RALGAPA2: variants seen among roughly 807,000 people sequenced by gnomAD.
RALGAPA2 encodes the protein ral GTPase-activating protein subunit alpha-2.
In RALGAPA2, 139 loss-of-function variants were observed where a neutral mutation model predicts 230.4. That is an observed-to-expected ratio of 0.60 (90% CI 0.53 to 0.69). The LOEUF (loss-of-function observed/expected upper bound fraction) is 0.69, where lower values mean the gene tolerates loss of function less well. RALGAPA2 is among the 30% of genes least tolerant of loss of function. The pLI, the probability that RALGAPA2 is intolerant of heterozygous loss-of-function variation, is 0.00. For synonymous variants in RALGAPA2, 847 were observed against 837.8 expected, an observed-to-expected ratio of 1.01 and a Z score of -0.19; for missense variants, 2,163 against 2,276.0, an observed-to-expected ratio of 0.95 and a Z score of 1.01.
intron 10 of RALGAPA2, among the ~76,000 whole-genome samples, chr20:20,624,944 C>A (rs1025966860): frequency 1.3e-5 from 2 of 152,198 alleles, no homozygotes; most frequent in Non-Finnish European, 2.9e-5. Context: ...CCCATCCCCA[C>A]CCCAGGCACT....
At position 20,520,932 on chromosome 20, in the gene RALGAPA2, G is replaced by T. The variant is rs201596925; in HGVS notation, c.4069C>A (p.Leu1357Met). 491 of 1,609,570 alleles carry T rather than the reference G, an allele frequency of 3.1e-4. 1 individual carries two copies. Among genetic ancestry groups the T allele is most frequent in the Middle Eastern group, 1.2e-3 (7 of 6,066 alleles). Residue 1357 changes from leucine to methionine, a missense_variant, in exon 31 of 40, where the codon CTG (leucine) becomes ATG (methionine). Transcript: ENST00000202677. Reference sequence around the variant, plus strand: ...GAATACTCACCCTCTTCAACAGTCAGCAGGTTACCCAATTCTGCTGATGAA... The same window carrying T: ...GAATACTCACCCTCTTCAACAGTCATCAGGTTACCCAATTCTGCTGATGAA... ...YHSSAELGNL[L>M]TVEEEKKRRS...
At position 20,398,373 on chromosome 20, in the gene RALGAPA2, C is replaced by T. The variant is rs575737484; in HGVS notation, c.5618-1639G>A. Among the ~76,000 whole-genome samples the T allele has an allele frequency of 8.3e-4, 126 of 152,340 alleles. No homozygotes were observed. The highest frequency in any genetic ancestry group is 2.8e-4 in the Non-Finnish European group (19 of 68,038). On this transcript the variant is annotated intron_variant, in intron 38 of 39. Transcript: ENST00000202677. This position sits in a 1 kb window ranked among gnomAD's most constrained non-coding sequence, Gnocchi z 4.5. The stretch of plus-strand genomic sequence containing the variant: ...AGGACTGGGTTGCCCCTCTCCTGTG[C>T]ATCCCCAGACGCAGCCTGGTGTGGT...
intron 36 of RALGAPA2, among the ~76,000 whole-genome samples, chr20:20,491,855 A>T (rs2062067999): frequency 6.6e-6 from 1 of 152,144 alleles, no homozygotes; most frequent in Admixed American, 6.5e-5. Flanking sequence ...TGAAAAAAAG[A>T]AGTTCAATAC....
intron 14 of RALGAPA2, among the ~76,000 whole-genome samples, chr20:20,610,508 G>A (rs145514043): frequency 1.6e-4 from 25 of 152,094 alleles, no homozygotes; most frequent in South Asian, 4.2e-4. Context: ...CACCATATCC[G>A]GGACCTCACT....
chr20:20,503,318 C>A (rs1390680524), intron 35 of RALGAPA2, 33 bp downstream of exon 35: 1 of 1,462,832 alleles, frequency 6.8e-7, no homozygotes, highest in Admixed American at 2.0e-5. Flanking sequence ...CAAACCAGGG[C>A]AGCTAAGAAT....
rs774210217 is a variant in RALGAPA2, at chr20:20,485,466, C to T, written c.5367+9651G>A. Among the ~76,000 whole-genome samples the T allele has an allele frequency of 2.4e-4, 36 of 152,270 alleles. 1 individual carries two copies. The highest frequency in any genetic ancestry group is 3.8e-4 in the Non-Finnish European group (26 of 68,010). On this transcript the variant is annotated intron_variant, in intron 36 of 39. Coordinates refer to ENST00000202677, the MANE Select transcript of RALGAPA2 (RefSeq NM_020343.4). ...TCTCTTTTAACTGATATATTTAAGA[C>T]GACTGACATGTATTTTATTCATTGT...
At position 20,643,622 on chromosome 20, in the gene RALGAPA2, G is replaced by A. The variant is rs897086769; in HGVS notation, c.329-73C>T. ...TCAAAGATCTATTTTAAGAAAATAT[G>A]TACTTATGACAAAAATATACTTTTT... On this transcript the variant is annotated intron_variant, in intron 4 of 39. Coordinates refer to ENST00000202677, the MANE Select transcript of RALGAPA2 (RefSeq NM_020343.4). 18 of 1,262,844 alleles carry A rather than the reference G, an allele frequency of 1.4e-5. No individual in the cohort carries two copies. The African/African-American group carries it at 2.3e-4, about 16-fold the overall frequency. 78.2% of individuals were successfully genotyped at this position (1,262,844 alleles called of 1,614,324 possible). A position where few individuals can be genotyped will look rare whatever the true frequency, so the allele number is the denominator to read the frequency against.
intron 36 of RALGAPA2, among the ~76,000 whole-genome samples, chr20:20,475,225 G>A (rs1034430317): frequency 3.3e-5 from 5 of 152,148 alleles, no homozygotes; most frequent in Admixed American, 6.6e-5. Flanking sequence ...ATACAATAAT[G>A]AAGGAGAGAC....
chr20:20,619,299 GC>G lies in RALGAPA2; in HGVS notation c.1516del (p.Ala506ProfsTer11). 6.2e-7 allele frequency: 1 copy of G among 1,608,424 alleles called. No homozygotes were observed. Among genetic ancestry groups the G allele is most frequent in the Non-Finnish European group, 8.5e-7 (1 of 1,176,464 alleles). Reference sequence around the variant, plus strand: ...TACCTGCAACAAAGCCTGGACGCCGGCTTTCACATTTGTATTTTCCTCCTCT... The same window carrying G: ...TACCTGCAACAAAGCCTGGACGCCGGTTTCACATTTGTATTTTCCTCCTCT... The part of the protein sequence containing the change: ...VTEEENTNVK[A>X]GVQALLQVFL... On this transcript the variant is annotated frameshift_variant, in exon 12 of 40. Transcript: ENST00000202677. LOFTEE classifies it high-confidence loss of function.
chr20:20,546,573 G>A (rs377146115), intron 24 of RALGAPA2, 131 bp downstream of exon 24: 46 of 1,201,512 alleles, frequency 3.8e-5, no homozygotes, highest in Middle Eastern at 4.3e-4. Flanking sequence ...AGCTGCCAGG[G>A]TATCTACCCT....
Position 20,637,371 on chromosome 20 carries a change from G to T in RALGAPA2, c.797C>A (p.Pro266His). 6.2e-7 allele frequency: 1 copy of T among 1,600,814 alleles called. No homozygotes were observed. The highest frequency in any genetic ancestry group is 8.5e-7 in the Non-Finnish European group (1 of 1,171,896). ...GCTCCAACAGTACTTACCAAGTACA[G>T]GTTTGTAGATGTTTGTTAACTTAGT... ...SFTKLTNIYKPVLDIPHLRPK... is the reference protein window; with the variant it reads ...SFTKLTNIYKHVLDIPHLRPK... Residue 266 changes from proline to histidine, a missense_variant, in exon 8 of 40, where the codon CCT becomes CAT. Transcript: ENST00000202677.
At chr20:20,532,456 G>C (rs1342097989) in intron 26 of RALGAPA2, among the ~76,000 whole-genome samples, 1 of 152,098 alleles carries the variant, frequency 6.6e-6, no homozygotes, top group African/African-American at 2.4e-5. Context: ...GTAGGTGTAG[G>C]AAAAAGAAGA....
At chr20:20,678,136 G>A (rs753143618) in intron 2 of RALGAPA2, among the ~76,000 whole-genome samples, 154 of 152,142 alleles carry the variant, frequency 1.0e-3, no homozygotes, top group Non-Finnish European at 2.0e-3. Flanking sequence ...TTTGAAGATA[G>A]AGCCAATAAC....
chr20:20,403,205 T>C (rs1422883116), intron 38 of RALGAPA2, among the ~76,000 whole-genome samples: 1 of 152,220 alleles, frequency 6.6e-6, no homozygotes, highest in East Asian at 1.9e-4. Flanking sequence ...CTTTCCCGTC[T>C]GGAAGGTGAG....
Position 20,712,565 on chromosome 20 carries a change from G to T in RALGAPA2, c.-85C>A, listed in dbSNP as rs1366143518. On this transcript the variant is annotated 5_prime_UTR_variant, in exon 1 of 40. Transcript: ENST00000202677. The surrounding 1 kb of genome is among the most constrained non-coding windows in gnomAD (Gnocchi z 5.5). The stretch of plus-strand genomic sequence containing the variant: ...CAAAGCATAGGGTCGAGGCCGGCGC[G>T]TGTCGCGCGGGCCACTCGCCGCCCC... The T allele has an allele frequency of 1.7e-5, 22 of 1,315,992 alleles. 1 individual carries two copies. Among genetic ancestry groups the T allele is most frequent in the Non-Finnish European group, 2.1e-5 (22 of 1,032,776 alleles). The allele number at this position is 1,315,992 out of a possible 1,614,324, so 81.5% of individuals were successfully genotyped here.
chr20:20,643,632 C>A, intron 4 of RALGAPA2, 83 bp from the exon 5 acceptor site: 1 of 1,188,732 alleles, frequency 8.4e-7, no homozygotes, highest in Non-Finnish European at 1.1e-6. Flanking sequence ...GTACTTATGA[C>A]AAAAATATAC....
intron 23 of RALGAPA2, among the ~76,000 whole-genome samples, chr20:20,550,868 T>C (rs979756364): frequency 6.6e-6 from 1 of 152,256 alleles, no homozygotes; most frequent in African/African-American, 2.4e-5. Flanking sequence ...AGAAGGACTC[T>C]GAAGAGTTTT....
intron 37 of RALGAPA2, among the ~76,000 whole-genome samples, chr20:20,440,306 A>G (rs933379009): frequency 2.0e-5 from 3 of 152,182 alleles, no homozygotes; most frequent in Non-Finnish European, 4.4e-5. Flanking sequence ...GACGACTTGG[A>G]ATTTTGCTTC....
At chr20:20,493,630 A>G (rs1033307134) in intron 36 of RALGAPA2, among the ~76,000 whole-genome samples, 2 of 152,222 alleles carry the variant, frequency 1.3e-5, no homozygotes, top group Non-Finnish European at 2.9e-5. Flanking sequence ...GTTGAAAATG[A>G]GCTAATAAAG....
Sources: gnomAD v4.1 joint callset for allele counts (sites outside exome capture counted in the v4.1 genomes callset) on GRCh38, gnomAD v4.1.1 for gene constraint, Gnocchi (gnomAD v3.1) non-coding constraint, MANE v1.5 for transcripts, NCBI Gene and HGNC (gene_info 2026-07-23, HGNC 2026-07-21) for gene names.